Variants in RNF34 observed in about 807,000 individuals in gnomAD.
The protein encoded by RNF34 is E3 ubiquitin-protein ligase RNF34.
Under a neutral mutation model 37.9 loss-of-function variants are expected in RNF34, and 12 were observed. The observed-to-expected ratio is 0.32, with a 90% CI of 0.20 to 0.51. RNF34 has a LOEUF of 0.51. Among genes scored for constraint, RNF34 ranks in the 20% least tolerant of loss-of-function variants. The pLI is 0.97. For synonymous variants in RNF34, 155 were observed against 177.2 expected (o/e 0.87, Z 1.00); for missense variants, 362 against 472.7 (o/e 0.77, Z 2.17).
At chr12:121,405,097 T>A (rs944346451) in intron 1 of RNF34, 2 of 152,266 alleles carry the variant, frequency 1.3e-5, no homozygotes, top group African/African-American at 4.8e-5. Context: ...ATTCCTACTC[T>A]TACGCAGATT....
chr12:121,406,124 G>GA (rs1210047604), intron 1 of RNF34, among the ~76,000 whole-genome samples: 1 of 152,052 alleles, frequency 6.6e-6, no homozygotes, highest in African/African-American at 2.4e-5. Flanking sequence ...ATTGGATGTG[G>GA]AAAAAAGGTA....
intron 1 of RNF34, among the ~76,000 whole-genome samples, chr12:121,413,183 G>A (rs766651702): frequency 3.3e-5 from 5 of 151,508 alleles, no homozygotes; most frequent in Non-Finnish European, 7.4e-5. Flanking sequence ...CTGCCAATAC[G>A]CCCAGCTAAT....
rs1555283150 is a variant in RNF34 at position 121,420,581 on chromosome 12, C to T, written c.731C>T (p.Pro244Leu). 6.2e-7 allele frequency: 1 copy of T among 1,613,946 alleles called. No individual in the cohort carries two copies. Among genetic ancestry groups the T allele is most frequent in the South Asian group, 1.1e-5 (1 of 91,074 alleles). ...DEEENAEDRN[P>L]GLSKERVRAS... is the part of the protein sequence containing the mutation. ...ATGGATGCTCTGTGGTTTCAGAACC[C>T]CGGGCTCTCCAAGGAGAGAGTGAGA... is the stretch of plus-strand genomic sequence containing the variant. Residue 244 changes from proline to leucine, a missense_variant, in exon 5 of 6, where the codon CCC (proline) becomes CTC (leucine). Transcript: ENST00000361234.
chr12:121,405,300 C>G (rs1870416632), intron 1 of RNF34, among the ~76,000 whole-genome samples: 1 of 152,142 alleles, frequency 6.6e-6, no homozygotes, highest in Non-Finnish European at 1.5e-5. Flanking sequence ...TGGCTCAGTA[C>G]TTTCTGGGAC....
chr12:121,421,830 T>C (rs1214896075), intron 5 of RNF34, among the ~76,000 whole-genome samples: 3 of 152,204 alleles, frequency 2.0e-5, no homozygotes, highest in African/African-American at 7.2e-5. Context: ...TGTTCCTATC[T>C]AGCTTAAACA....
At chr12:121,421,479 C>T (rs1872160738) in intron 5 of RNF34, among the ~76,000 whole-genome samples, 1 of 150,848 alleles carries the variant, frequency 6.6e-6, no homozygotes, top group Non-Finnish European at 1.5e-5. Flanking sequence ...CTTGAGCCTG[C>T]AGGGAGCCGT....
intron 1 of RNF34, among the ~76,000 whole-genome samples, chr12:121,403,482 T>C (rs571558432): frequency 6.6e-6 from 1 of 152,278 alleles, no homozygotes; most frequent in South Asian, 2.1e-4. Context: ...TTTAGTTATG[T>C]AGGAAAGTTT....
At chr12:121,413,558 C>G (rs1179781876) in intron 1 of RNF34, among the ~76,000 whole-genome samples, 3 of 150,566 alleles carry the variant, frequency 2.0e-5, no homozygotes, top group African/African-American at 4.9e-5. Context: ...ATTACAGAAG[C>G]CTGCCACCAT....
intron 3 of RNF34, among the ~76,000 whole-genome samples, chr12:121,419,636 T>C (rs1871928399): frequency 6.6e-6 from 1 of 152,190 alleles, no homozygotes; most frequent in African/African-American, 2.4e-5. Context: ...TTGTCAAATA[T>C]AGTCAAAAGA....
chr12:121,413,521 C>T (rs1402062406), intron 1 of RNF34, among the ~76,000 whole-genome samples: 1 of 150,228 alleles, frequency 6.7e-6, no homozygotes, highest in Non-Finnish European at 1.5e-5. Context: ...AAGCGATTCT[C>T]CTGCCTCAGC....
intron 1 of RNF34, 45 bp from the exon 2 acceptor site, chr12:121,416,114 A>G (rs1252128880): frequency 6.5e-7 from 1 of 1,529,690 alleles, no homozygotes; most frequent in African/African-American, 1.4e-5. Context: ...CAGAGAGCCC[A>G]GATTCCACTT....
intron 1 of RNF34, among the ~76,000 whole-genome samples, chr12:121,406,248 GT>G (rs1457600979): frequency 1.4e-5 from 2 of 143,278 alleles, no homozygotes; most frequent in Non-Finnish European, 3.0e-5. Context: ...GTCCAGGCAG[GT>G]TTTAGAATTT....
At chr12:121,402,094 A>T (rs1555280091) in intron 1 of RNF34, among the ~76,000 whole-genome samples, 1 of 152,212 alleles carries the variant, frequency 6.6e-6, no homozygotes, top group Non-Finnish European at 1.5e-5. Flanking sequence ...GTGAATGTTC[A>T]TGTAAGGAAA....
At chr12:121,405,942 T>C (rs1870489585) in intron 1 of RNF34, among the ~76,000 whole-genome samples, 1 of 151,702 alleles carries the variant, frequency 6.6e-6, no homozygotes. Context: ...TACAAGTGCC[T>C]GCTACCACGT....
Position 121,423,313 on chromosome 12 carries a change from C to A in RNF34, c.929-73C>A. On this transcript the variant is annotated intron_variant, in intron 5 of 5. Coordinates refer to ENST00000361234, the MANE Select transcript of RNF34 (RefSeq NM_025126.4). The surrounding 1 kb of genome is among the most constrained non-coding windows in gnomAD (Gnocchi z 4.3). ...GGTCATTCAGCAGGTGGCTGCTCAG[C>A]TTCGGACTGGGAGGGTGGCTGGCTG... is the stretch of plus-strand genomic sequence containing the variant. 7.8e-7 allele frequency: 1 copy of A among 1,285,084 alleles called. No homozygotes were observed. Among genetic ancestry groups the A allele is most frequent in the Non-Finnish European group, 1.1e-6 (1 of 927,542 alleles). The allele number at this position is 1,285,084 out of a possible 1,614,324, so 79.6% of individuals were successfully genotyped here. A position where few individuals can be genotyped will look rare whatever the true frequency, so the allele number is the denominator to read the frequency against.
chr12:121,417,864 G>A lies in RNF34; in HGVS notation c.586G>A (p.Glu196Lys). 1.2e-6 allele frequency: 2 copies of A among 1,614,120 alleles called. No homozygotes were observed. Among genetic ancestry groups the A allele is most frequent in the African/African-American group, 2.7e-5 (2 of 74,996 alleles). The change falls in exon 3 of 6, where the codon GAG becomes AAG. Residue 196 changes from glutamate (E) to lysine (K), a missense_variant. Physicochemically the swap from Glu to Lys is moderately conservative, Grantham distance 56. Transcript: ENST00000361234. This position sits in a 1 kb window ranked among gnomAD's most constrained non-coding sequence, Gnocchi z 5.0. Reference protein sequence around the residue: ...PSATMSSFQGELMDGDQTSRS... With the variant: ...PSATMSSFQGKLMDGDQTSRS... ...TGCTACTATGTCTTCGTTTCAGGGA[G>A]AGCTTATGGATGGAGACCAAACATC...
rs546639457 is a variant in RNF34 at position 121,403,456 on chromosome 12, T to G, written c.6+3238T>G. Among the ~76,000 whole-genome samples, 202 of 152,142 alleles carry G rather than the reference T, an allele frequency of 1.3e-3. 2 individuals are homozygous for G. The highest frequency in any genetic ancestry group is 2.0e-3 in the Non-Finnish European group (136 of 67,990). ...AAAGATTTTGCTTTTTTATCAACTG[T>G]TTTTTCTGCTTTGCTTTTAGTTATG... On this transcript the variant is annotated intron_variant, in intron 1 of 5. Transcript: ENST00000361234.
Position 121,423,726 on chromosome 12 carries a change from G to A in RNF34, c.*150G>A. The A allele has an allele frequency of 4.2e-6, 3 of 714,042 alleles. No homozygotes were observed. In the South Asian group the frequency reaches 5.9e-5, roughly 14 times the overall value. The allele number at this position is 714,042 out of a possible 1,614,324, so 44.2% of individuals were successfully genotyped here. A position where few individuals can be genotyped will look rare whatever the true frequency, so the allele number is the denominator to read the frequency against. On this transcript the variant is annotated 3_prime_UTR_variant, in exon 6 of 6. Transcript: ENST00000361234. The surrounding 1 kb of genome is among the most constrained non-coding windows in gnomAD (Gnocchi z 4.3). ...GTGGGGACAGAAAGATCCATCCTGA[G>A]TTGTGGAAACATTGGTCCATGCCGT...
intron 1 of RNF34, among the ~76,000 whole-genome samples, chr12:121,412,388 C>T (rs59558352): frequency 0.19 from 29,149 of 150,782 alleles, 4,313 homozygotes; most frequent in African/African-American, 0.41. Flanking sequence ...TACAGGTGCC[C>T]GCCACCACGC....
Sources: allele counts gnomAD v4.1 joint callset (sites outside exome capture counted in the v4.1 genomes callset), GRCh38; gene constraint gnomAD v4.1.1; non-coding constraint Gnocchi (gnomAD v3.1); transcripts MANE v1.5; gene names NCBI Gene and HGNC (gene_info 2026-07-23, HGNC 2026-07-21).